RNF180: variants seen among roughly 807,000 people sequenced by gnomAD.
RNF180 encodes ring finger protein 180.
In RNF180, 38 loss-of-function variants were observed where a neutral mutation model predicts 59.2. The ratio of observed to expected loss-of-function variants is 0.64; its 90% confidence interval spans 0.50 to 0.84. RNF180 has a LOEUF of 0.84. Ranked by LOEUF, RNF180 falls within the 40% of genes least tolerant of loss-of-function variation. The pLI, the probability that RNF180 is intolerant of heterozygous loss-of-function variation, is 0.00. For synonymous variants in RNF180, 262 were observed against 240.3 expected (o/e 1.09, Z -0.84); for missense variants, 705 against 700.9 (o/e 1.01, Z -0.07).
intron 5 of RNF180, among the ~76,000 whole-genome samples, chr5:64,324,085 G>T (rs978343126): frequency 1.3e-5 from 2 of 152,142 alleles, no homozygotes; most frequent in African/African-American, 2.4e-5. Context: ...TATAAATAAA[G>T]AGTTCAATTT....
At chr5:64,361,404 T>C (rs1480869864) in intron 7 of RNF180, among the ~76,000 whole-genome samples, 1 of 151,478 alleles carries the variant, frequency 6.6e-6, no homozygotes, top group Non-Finnish European at 1.5e-5. Flanking sequence ...ATTAACAGAT[T>C]AAAGGAGAAA....
intron 5 of RNF180, 105 bp downstream of exon 5, chr5:64,217,501 T>G: frequency 7.7e-7 from 1 of 1,305,934 alleles, no homozygotes; most frequent in Non-Finnish European, 9.7e-7. Context: ...TGTGCGTCCT[T>G]GAAAGCAAGC....
chr5:64,191,336 T>G (rs1751147609), intron 1 of RNF180, among the ~76,000 whole-genome samples: 2 of 152,198 alleles, frequency 1.3e-5, no homozygotes, highest in Non-Finnish European at 2.9e-5. Flanking sequence ...GGATTTATTC[T>G]TGGAGTTGTA....
intron 2 of RNF180, among the ~76,000 whole-genome samples, chr5:64,204,588 G>T (rs140985041): frequency 2.0e-5 from 3 of 151,726 alleles, no homozygotes; most frequent in African/African-American, 7.3e-5. Flanking sequence ...CCTTTTTTTG[G>T]TTATTGTATT....
At chr5:64,317,621 T>TACACAC (rs1162867302) in intron 5 of RNF180, among the ~76,000 whole-genome samples, 2 of 110,190 alleles carry the variant, frequency 1.8e-5, no homozygotes, top group African/African-American at 9.8e-5. Flanking sequence ...CACACACATA[T>TACACAC]ATACACACAC....
intron 5 of RNF180, among the ~76,000 whole-genome samples, chr5:64,280,358 C>T (rs1174211678): frequency 6.6e-6 from 1 of 151,926 alleles, no homozygotes; most frequent in Non-Finnish European, 1.5e-5. Context: ...GCTGCTGTTG[C>T]TTTGTCTTTG....
chr5:64,199,766 A>C (rs1299881851), intron 1 of RNF180, among the ~76,000 whole-genome samples: 2 of 152,218 alleles, frequency 1.3e-5, no homozygotes, highest in Non-Finnish European at 2.9e-5. Context: ...TAATTACCAG[A>C]CAAGTTATTT....
intron 6 of RNF180, 119 bp from the exon 7 acceptor site, chr5:64,330,162 A>T (rs1744836429): frequency 4.2e-6 from 3 of 711,660 alleles, no homozygotes; most frequent in Non-Finnish European, 4.6e-6. Flanking sequence ...GTCTTCACTG[A>T]CTTAAAGAGG....
At chr5:64,271,499 A>C (rs1170155641) in intron 5 of RNF180, among the ~76,000 whole-genome samples, 1 of 152,108 alleles carries the variant, frequency 6.6e-6, no homozygotes, top group African/African-American at 2.4e-5. Flanking sequence ...GCCTAGGAGC[A>C]ATAGGCTATA....
intron 7 of RNF180, among the ~76,000 whole-genome samples, chr5:64,367,441 G>C (rs140331869): frequency 7.4e-4 from 112 of 151,742 alleles, no homozygotes; most frequent in African/African-American, 2.6e-3. Flanking sequence ...ATGATAGAAA[G>C]TCAGCCAAGA....
At chr5:64,310,147 T>C (rs1326370924) in intron 5 of RNF180, among the ~76,000 whole-genome samples, 1 of 151,774 alleles carries the variant, frequency 6.6e-6, no homozygotes, top group East Asian at 1.9e-4. Flanking sequence ...GTAAAAATCC[T>C]CAACAAAGTA....
At chr5:64,175,786 A>G (rs1750200850) in intron 1 of RNF180, among the ~76,000 whole-genome samples, 1 of 151,930 alleles carries the variant, frequency 6.6e-6, no homozygotes. Context: ...TCTTTTATCG[A>G]TATTTTATAA....
chr5:64,214,684 G>A (rs921543911), intron 4 of RNF180, among the ~76,000 whole-genome samples, 167 bp downstream of exon 4: 2 of 151,930 alleles, frequency 1.3e-5, no homozygotes, highest in African/African-American at 4.8e-5. Context: ...TATTATAATT[G>A]GCATGTATAA....
chr5:64,213,782 G>T lies in RNF180; in HGVS notation c.456G>T (p.Leu152=). 6.2e-7 allele frequency: 1 copy of T among 1,614,176 alleles called. No individual in the cohort carries two copies. The highest frequency in any genetic ancestry group is 8.5e-7 in the Non-Finnish European group (1 of 1,180,012). The change falls in exon 4 of 8, where the codon CTG becomes CTT. Residue 152 remains leucine (L), a synonymous_variant. Transcript: ENST00000389100. The stretch of plus-strand genomic sequence containing the variant: ...AGTCAGGTTGTGACAAGGAAGCTCT[G>T]CTGACAGGTGGTGGCTCTGAAAACA... ...RVQSGCDKEA[L]LTGGGSENRN... is the part of the protein sequence containing the mutation.
chr5:64,367,366 A>C (rs1267842702), intron 7 of RNF180, among the ~76,000 whole-genome samples: 1 of 151,686 alleles, frequency 6.6e-6, no homozygotes, highest in Non-Finnish European at 1.5e-5. Context: ...AAAATATTAC[A>C]TATACTCCAT....
At chr5:64,265,468 A>G (rs1744607607) in intron 5 of RNF180, among the ~76,000 whole-genome samples, 2 of 152,248 alleles carry the variant, frequency 1.3e-5, no homozygotes, top group South Asian at 2.1e-4. Context: ...TCCCAACACA[A>G]TTTATTAAAT....
intron 2 of RNF180, among the ~76,000 whole-genome samples, chr5:64,210,049 A>G (rs1580006426): frequency 6.6e-6 from 1 of 152,242 alleles, no homozygotes; most frequent in South Asian, 2.1e-4. Context: ...ATTAATCACT[A>G]TTAGAACTTA....
At chr5:64,352,312 G>T (rs537757464) in intron 7 of RNF180, among the ~76,000 whole-genome samples, 1 of 151,760 alleles carries the variant, frequency 6.6e-6, no homozygotes, top group South Asian at 2.1e-4. Context: ...TATTAGTCTT[G>T]CTAGCAGTCT....
intron 5 of RNF180, among the ~76,000 whole-genome samples, chr5:64,273,508 G>A (rs1741543524): frequency 6.6e-6 from 1 of 151,866 alleles, no homozygotes; most frequent in Non-Finnish European, 1.5e-5. Flanking sequence ...CATACTTGAA[G>A]AATGAGCAAG....
Sources: allele counts gnomAD v4.1 joint callset (sites outside exome capture counted in the v4.1 genomes callset), GRCh38; gene constraint gnomAD v4.1.1; transcripts MANE v1.5; gene names NCBI Gene and HGNC (gene_info 2026-07-23, HGNC 2026-07-21).